Variants in FRMPD4 observed in about 807,000 individuals in gnomAD.
FRMPD4 encodes FERM and PDZ domain-containing protein 4.
A neutral mutation model predicts 94.1 loss-of-function variants in FRMPD4; 22 were observed. The observed-to-expected ratio is 0.23, with a 90% CI of 0.17 to 0.33. The LOEUF is 0.33. Ranked by LOEUF, FRMPD4 falls within the 10% of genes least tolerant of loss-of-function variation. FRMPD4 has a pLI of 1.00. For synonymous variants in FRMPD4, 631 were observed against 548.6 expected, an observed-to-expected ratio of 1.15 and a Z score of -2.10; for missense variants, 1,111 against 1,339.9, an observed-to-expected ratio of 0.83 and a Z score of 2.67.
chrX:12,031,383 A>C, intron 3 of FRMPD4, among the ~76,000 whole-genome samples: 1 of 112,650 alleles, frequency 8.9e-6, no homozygotes, highest in Middle Eastern at 4.6e-3. Context: ...CCAGAACAAA[A>C]GCTCAAAACA....
At chrX:12,113,255 A>G (rs2055381722) in intron 3 of FRMPD4, among the ~76,000 whole-genome samples, 1 of 112,436 alleles carries the variant, frequency 8.9e-6, no homozygotes, top group Non-Finnish European at 1.9e-5. Flanking sequence ...ACTGGAAGTT[A>G]TCTATAGCCC....
intron 1 of FRMPD4, among the ~76,000 whole-genome samples, chrX:12,376,616 T>TGTGCACGTGTGTGG (rs1460644218): frequency 8.0e-5 from 9 of 111,916 alleles, no homozygotes; most frequent in African/African-American, 3.0e-4. Flanking sequence ...ACTATCAATG[T>TGTGCACGTGTGTGG]GTGCACGTGT....
At chrX:11,922,036 A>G (rs954476975) in intron 3 of FRMPD4, among the ~76,000 whole-genome samples, 1 of 112,168 alleles carries the variant, frequency 8.9e-6, no homozygotes, top group African/African-American at 3.2e-5. Flanking sequence ...AATGGGGTAT[A>G]TCACTCTGTC....
chrX:11,870,939 C>T (rs972699966), intron 2 of FRMPD4, among the ~76,000 whole-genome samples: 2 of 112,210 alleles, frequency 1.8e-5, no homozygotes, highest in Non-Finnish European at 3.8e-5. Context: ...TTATATGAAG[C>T]TCATGCTCCA....
At chrX:12,669,100 C>T (rs768583897) in intron 4 of FRMPD4, among the ~76,000 whole-genome samples, 48 of 111,640 alleles carry the variant, frequency 4.3e-4, no homozygotes, top group African/African-American at 1.4e-3. Context: ...GACGGGATGT[C>T]CATCCATCAT....
intron 2 of FRMPD4, among the ~76,000 whole-genome samples, chrX:12,527,405 A>G (rs2058235675): frequency 1.8e-5 from 2 of 110,245 alleles, no homozygotes; most frequent in African/African-American, 6.6e-5. Context: ...TTCTGTTAAT[A>G]TAAATGATCC....
intron 2 of FRMPD4, among the ~76,000 whole-genome samples, chrX:11,867,306 T>A (rs1239991694): frequency 8.9e-6 from 1 of 112,082 alleles, no homozygotes; most frequent in Non-Finnish European, 1.9e-5. Flanking sequence ...CTTGCTTTCC[T>A]TTTGTACTTC....
At chrX:12,256,338 A>G (rs766178126) in intron 1 of FRMPD4, among the ~76,000 whole-genome samples, 45 of 112,145 alleles carry the variant, frequency 4.0e-4, no homozygotes, top group Non-Finnish European at 7.3e-4. Flanking sequence ...GACTAGGGCT[A>G]TATGTCACCA....
At chrX:12,523,342 T>C (rs911741596) in intron 2 of FRMPD4, among the ~76,000 whole-genome samples, 2 of 112,225 alleles carry the variant, frequency 1.8e-5, no homozygotes, top group African/African-American at 6.5e-5. Context: ...TGAGGTTTGG[T>C]GCTCAGGTTG....
At chrX:11,910,823 T>A (rs932324022) in intron 3 of FRMPD4, among the ~76,000 whole-genome samples, 1 of 112,053 alleles carries the variant, frequency 8.9e-6, no homozygotes, top group Non-Finnish European at 1.9e-5. Flanking sequence ...TATACATATG[T>A]CTTTTGTAAA....
chrX:12,349,924 A>G (rs2055775900), intron 1 of FRMPD4, among the ~76,000 whole-genome samples: 1 of 111,852 alleles, frequency 8.9e-6, no homozygotes, highest in African/African-American at 3.2e-5. Flanking sequence ...TGCAATGATG[A>G]AAAACCCAAA....
At chrX:12,293,074 C>T (rs1355126177) in intron 1 of FRMPD4, among the ~76,000 whole-genome samples, 1 of 110,183 alleles carries the variant, frequency 9.1e-6, no homozygotes, top group Non-Finnish European at 1.9e-5. Flanking sequence ...TGTGTTGTTA[C>T]AAAAATTTCA....
chrX:12,643,972 G>A (rs1430737702), intron 4 of FRMPD4, among the ~76,000 whole-genome samples: 2 of 112,637 alleles, frequency 1.8e-5, no homozygotes, highest in Non-Finnish European at 3.8e-5. Context: ...GTTTTAGGTA[G>A]ATGTGCTTGT....
At chrX:12,378,959 ATTTG>A (rs994654318) in intron 1 of FRMPD4, among the ~76,000 whole-genome samples, 1 of 111,785 alleles carries the variant, frequency 8.9e-6, no homozygotes, top group Non-Finnish European at 1.9e-5. Context: ...TTAAGAATGC[ATTTG>A]GTGTTTTGAA....
intron 3 of FRMPD4, among the ~76,000 whole-genome samples, chrX:12,123,965 G>C (rs775280235): frequency 9.0e-6 from 1 of 111,520 alleles, no homozygotes; most frequent in African/African-American, 3.3e-5. Context: ...TATCCTTCCA[G>C]TGGCTTGTGG....
At chrX:12,249,788 G>A (rs1288961347) in intron 1 of FRMPD4, among the ~76,000 whole-genome samples, 1 of 110,695 alleles carries the variant, frequency 9.0e-6, no homozygotes, top group African/African-American at 3.3e-5. Context: ...TGTCAGACAG[G>A]AAAAATGTTA....
intron 3 of FRMPD4, among the ~76,000 whole-genome samples, chrX:12,101,057 G>A (rs1416757889): frequency 4.5e-5 from 5 of 112,214 alleles, no homozygotes; most frequent in Non-Finnish European, 9.4e-5. Flanking sequence ...ATCCAGCATC[G>A]AGATGTGTGA....
chrX:11,896,670 A>C lies in FRMPD4; in HGVS notation c.95+18652A>C, dbSNP rs761536660. Among the ~76,000 whole-genome samples the C allele has an allele frequency of 2.7e-5, 3 of 112,147 alleles. No individual in the cohort carries two copies. In the Admixed American group the frequency reaches 2.8e-4, roughly 11 times the overall value. Reference sequence around the variant, plus strand: ...GTGTTGCTTTGTTATAGAAGCCTGAATGGACTAAGACATCAATGTAACATT... The same window carrying C: ...GTGTTGCTTTGTTATAGAAGCCTGACTGGACTAAGACATCAATGTAACATT... On this transcript the variant is annotated intron_variant, in intron 3 of 18. Transcript: ENST00000640291.
At chrX:11,822,459 G>C (rs921041654) in exon 1 of FRMPD4, among the ~76,000 whole-genome samples, 1 of 112,243 alleles carries the variant, frequency 8.9e-6, no homozygotes, top group African/African-American at 3.2e-5. Context: ...GGAAGTCTAA[G>C]GAGGCTGGAA....
Sources: allele counts gnomAD v4.1 joint callset (sites outside exome capture counted in the v4.1 genomes callset), GRCh38; gene constraint gnomAD v4.1.1; transcripts MANE v1.5; gene names NCBI Gene and HGNC (gene_info 2026-07-23, HGNC 2026-07-21).